The following HELLS variants were observed in gnomAD, a reference collection of about 807,000 sequenced individuals.
HELLS encodes the protein helicase, lymphoid specific.
A neutral mutation model predicts 120.0 loss-of-function variants in HELLS; 32 were observed. That is an observed-to-expected ratio of 0.27 (90% CI 0.20 to 0.36). HELLS has a LOEUF of 0.36. HELLS is among the 10% of genes least tolerant of loss of function. The probability of loss-of-function intolerance (pLI) is 1.00; values close to 1 mark genes in which losing one functional copy is unlikely to be tolerated. For synonymous variants in HELLS, 341 were observed against 323.4 expected (o/e 1.05, Z -0.58); for missense variants, 650 against 993.4 (o/e 0.65, Z 4.65).
At chr10:94,591,270 C>G (rs1305075875) in intron 15 of HELLS, among the ~76,000 whole-genome samples, 1 of 152,122 alleles carries the variant, frequency 6.6e-6, no homozygotes, top group Non-Finnish European at 1.5e-5. Flanking sequence ...TTTCTTTTAT[C>G]ATTAATATTT....
chr10:94,580,553 G>A (rs1038166072), intron 10 of HELLS, among the ~76,000 whole-genome samples: 6 of 151,908 alleles, frequency 3.9e-5, no homozygotes, highest in Admixed American at 6.6e-5. Context: ...AGGTTTTTTG[G>A]TTTAACATAT....
chr10:94,611,989 T>A lies in HELLS; in HGVS notation c.*2138T>A, dbSNP rs781590954. 10 of 152,164 alleles carry A rather than the reference T, an allele frequency of 6.6e-5. 1 individual carries two copies. Among genetic ancestry groups the A allele is most frequent in the Admixed American group, 3.9e-4 (6 of 15,276 alleles). 9.4% of individuals were successfully genotyped at this position (152,164 alleles called of 1,614,324 possible). A position where few individuals can be genotyped will look rare whatever the true frequency, so the allele number is the denominator to read the frequency against. ...CTTGCCTATCAAATAAGGTACAGTA[T>A]GTGAAGATACATTGCAGATTATCTT... On this transcript the variant is annotated 3_prime_UTR_variant, in exon 10 of 10. Coordinates refer to the HELLS transcript ENST00000371327.
rs373407959 is a variant in HELLS, at chr10:94,573,949, T to G, written c.478-11T>G. On this transcript the variant is annotated splice_polypyrimidine_tract_variant and intron_variant, in intron 7 of 21. Transcript: ENST00000348459. ...GTATAACACATCTTATTAAACTTTTTTTCTCTACAGGATGAAAACTCCTCC... is the reference window on the plus strand; with the variant it reads ...GTATAACACATCTTATTAAACTTTTGTTCTCTACAGGATGAAAACTCCTCC... 65 of 1,541,336 alleles carry G rather than the reference T, an allele frequency of 4.2e-5. No individual in the cohort carries two copies. The highest frequency in any genetic ancestry group is 1.7e-4 in the Middle Eastern group (1 of 5,866).
Position 94,583,064 on chromosome 10 carries a change from T to G in HELLS, c.1326+5T>G. ...GTATTGCATATGCTGCACCAGGTTT[T>G]CCATGTTTTCTTATTCTGCTTAACC... On this transcript the variant is annotated splice_donor_5th_base_variant and intron_variant, in intron 12 of 21. Transcript: ENST00000348459. The G allele has an allele frequency of 6.5e-7, 1 of 1,538,272 alleles. No individual in the cohort carries two copies.
intron 21 of HELLS, among the ~76,000 whole-genome samples, chr10:94,598,398 A>G (rs1845846176): frequency 6.6e-6 from 1 of 152,144 alleles, no homozygotes; most frequent in Non-Finnish European, 1.5e-5. Flanking sequence ...GGCTCAAGGG[A>G]TCCTCCAGCC....
At chr10:94,577,472 A>G (rs1260740188) in intron 10 of HELLS, 1 of 156,462 alleles carries the variant, frequency 6.4e-6, no homozygotes. Flanking sequence ...TTCAACATAA[A>G]ATCAAAACAC....
At chr10:94,582,942 T>A (rs771439912) in intron 11 of HELLS, 21 bp from the exon 12 acceptor site, 2 of 1,397,878 alleles carry the variant, frequency 1.4e-6, no homozygotes, top group South Asian at 1.2e-5. Context: ...GATGGTTAAC[T>A]TAAACATTTT....
Position 94,545,849 on chromosome 10 carries a change from G to A in HELLS, c.-73G>A. ...TGGCTAGAAGGCTGGGCCGGCAGCG[G>A]TTGTGAGGAGTTAGCTCGCGGCATT... On this transcript the variant is annotated 5_prime_UTR_variant, in exon 1 of 22. Coordinates refer to ENST00000348459, the MANE Select transcript of HELLS (RefSeq NM_018063.5). 1 of 1,493,150 alleles carries A rather than the reference G, an allele frequency of 6.7e-7. No individual in the cohort carries two copies. The highest frequency in any genetic ancestry group is 9.1e-7 in the Non-Finnish European group (1 of 1,093,546). The allele number at this position is 1,493,150 out of a possible 1,614,324, so 92.5% of individuals were successfully genotyped here. A position where few individuals can be genotyped will look rare whatever the true frequency, so the allele number is the denominator to read the frequency against.
Position 94,601,598 on chromosome 10 carries a change from T to C in HELLS, c.2493T>C (p.Asp831=). Residue 831 remains aspartate (D), a synonymous_variant, in exon 22 of 22, where the codon GAT becomes GAC. Coordinates refer to ENST00000348459, the MANE Select transcript of HELLS (RefSeq NM_018063.5). The part of the protein sequence containing the change: ...GIFKILENSE[D]SSPECLF ...TCAAGATATTAGAAAATTCTGAAGA[T>C]TCCAGTCCTGAATGTTTGTTTTAAA... 1 of 1,575,144 alleles carries C rather than the reference T, an allele frequency of 6.3e-7. No homozygotes were observed. Among genetic ancestry groups the C allele is most frequent in the South Asian group, 1.1e-5 (1 of 87,874 alleles).
intron 19 of HELLS, among the ~76,000 whole-genome samples, chr10:94,595,609 G>C (rs1845702886): frequency 6.6e-6 from 1 of 151,986 alleles, no homozygotes; most frequent in African/African-American, 2.4e-5. Flanking sequence ...AACCAGATGG[G>C]TCTCAACAAT....
intron 9 of HELLS, 53 bp downstream of exon 9, chr10:94,574,789 TTTG>T (rs1202908385): frequency 7.3e-7 from 1 of 1,368,130 alleles, no homozygotes. Flanking sequence ...TTTCTTATGC[TTTG>T]TTGTAGTAGG....
At chr10:94,580,424 C>T (rs1189407530) in intron 10 of HELLS, among the ~76,000 whole-genome samples, 1 of 151,710 alleles carries the variant, frequency 6.6e-6, no homozygotes, top group Admixed American at 6.6e-5. Context: ...TCAGGTAATG[C>T]GTCTGCCTCG....
intron 12 of HELLS, among the ~76,000 whole-genome samples, chr10:94,585,107 A>G (rs567074871): frequency 6.6e-6 from 1 of 151,642 alleles, no homozygotes; most frequent in African/African-American, 2.4e-5. Context: ...AGTAAAAAAA[A>G]TTTTTTTTAC....
At chr10:94,568,224 T>A (rs941619911) in intron 6 of HELLS, among the ~76,000 whole-genome samples, 22 of 151,046 alleles carry the variant, frequency 1.5e-4, no homozygotes, top group Non-Finnish European at 2.2e-4. Flanking sequence ...TTTTTTTTTT[T>A]AAAGAGTAGC....
At chr10:94,565,149 C>T (rs1224775984) in intron 6 of HELLS, among the ~76,000 whole-genome samples, 1 of 152,062 alleles carries the variant, frequency 6.6e-6, no homozygotes, top group Non-Finnish European at 1.5e-5. Context: ...CCTGTCTGGC[C>T]AACATGGTGA....
In HELLS at chr10:94,562,801, T is replaced by A; in HGVS notation, c.371-11T>A. ...TTTAATTGCTATCAAAAATAAAATT[T>A]TTTTTTATAGTTATGAGGAAAAAAA... On this transcript the variant is annotated splice_polypyrimidine_tract_variant and intron_variant, in intron 5 of 21. Transcript: ENST00000348459. 6.5e-7 allele frequency: 1 copy of A among 1,550,180 alleles called. No individual in the cohort carries two copies.
In HELLS at chr10:94,559,485, G is replaced by A. The variant is rs575655235; in HGVS notation, c.333+1290G>A. ...TTTTGAGACAGAGTCTTGCTCTGTC[G>A]CCCAGGCTGGAGTGCAGTGGTGCAA... is the stretch of plus-strand genomic sequence containing the variant. On this transcript the variant is annotated intron_variant, in intron 4 of 21. Coordinates refer to ENST00000348459, the MANE Select transcript of HELLS (RefSeq NM_018063.5). 4.0e-4 allele frequency among the ~76,000 whole-genome samples: 60 copies of A among 150,854 alleles called. 1 individual carries two copies. The highest frequency in any genetic ancestry group is 2.3e-3 in the Admixed American group (34 of 15,100).
chr10:94,593,241 T>C (rs1845578769), intron 17 of HELLS, among the ~76,000 whole-genome samples: 1 of 152,234 alleles, frequency 6.6e-6, no homozygotes, highest in Admixed American at 6.5e-5. Flanking sequence ...TTCATCATTT[T>C]TTGATATTAG....
intron 9 of HELLS, among the ~76,000 whole-genome samples, chr10:94,575,394 T>C (rs4564258): frequency 0.69 from 104,432 of 151,464 alleles, 36,793 homozygotes; most frequent in African/African-American, 0.83. Flanking sequence ...CCACTGTACC[T>C]CCCGGGCCCA....
Sources: gnomAD v4.1 joint callset for allele counts (sites outside exome capture counted in the v4.1 genomes callset) on GRCh38, gnomAD v4.1.1 for gene constraint, MANE v1.5 for transcripts, NCBI Gene and HGNC (gene_info 2026-07-23, HGNC 2026-07-21) for gene names.